KIF27: variants seen among roughly 807,000 people sequenced by gnomAD.
KIF27 encodes the protein kinesin-like protein KIF27.
Under a neutral mutation model 141.8 loss-of-function variants are expected in KIF27, and 84 were observed. The ratio of observed to expected loss-of-function variants is 0.59; its 90% CI spans 0.50 to 0.71. The LOEUF is 0.71. KIF27 is among the 30% of genes least tolerant of loss of function. The pLI is 0.00. For missense variants in KIF27, 1,306 were observed against 1,628.4 expected (o/e 0.80, Z 3.41); for synonymous variants, 471 against 569.5 (o/e 0.83, Z 2.46).
chr9:83,899,746 A>G lies in KIF27; in HGVS notation c.1517T>C (p.Leu506Pro), dbSNP rs1953663652. The stretch of plus-strand genomic sequence containing the variant: ...TACCATCATCTGCACTTGATTCTTC[A>G]GTTCCTTCACCTCCAGTTCCTTCTG... ...FNQKELEVKELKNQVQMMVQE... is the reference protein window; with the variant it reads ...FNQKELEVKEPKNQVQMMVQE... The change falls in exon 5 of 18, where the codon CTG becomes CCG. Residue 506 changes from leucine (L) to proline (P), a missense_variant. By Grantham distance (98) the Leu-to-Pro change is moderately conservative. Around this residue, in one of 4 missense-constraint regions of KIF27, gnomAD observed 29 missense variants for 60.3 expected, o/e 0.48. Coordinates refer to ENST00000297814, the MANE Select transcript of KIF27 (RefSeq NM_017576.4). 1 of 1,613,452 alleles carries G rather than the reference A, an allele frequency of 6.2e-7. No individual in the cohort carries two copies. Among genetic ancestry groups the G allele is most frequent in the Admixed American group, 1.7e-5 (1 of 60,002 alleles).
At chr9:83,914,910 TA>T (rs1955540270) in intron 2 of KIF27, among the ~76,000 whole-genome samples, 2 of 152,212 alleles carry the variant, frequency 1.3e-5, no homozygotes, top group Non-Finnish European at 2.9e-5. Context: ...CTTTACATAA[TA>T]AATTTTTCCT....
At chr9:83,858,249 C>T (rs1949485914) in intron 14 of KIF27, 1 of 152,118 alleles carries the variant, frequency 6.6e-6, no homozygotes, top group South Asian at 2.1e-4. Flanking sequence ...TAAGTCAATC[C>T]TTTCATCAAT....
intron 9 of KIF27, among the ~76,000 whole-genome samples, chr9:83,886,144 T>C (rs556839977): frequency 7.1e-4 from 108 of 152,232 alleles, no homozygotes; most frequent in African/African-American, 2.6e-3. Flanking sequence ...TAGGAGTATC[T>C]AGGAGCTGAT....
rs756109396 is a variant in KIF27 at position 83,837,154 on chromosome 9, A to G, written c.4053T>C (p.His1351=). Residue 1351 remains histidine, a synonymous_variant, in exon 18 of 18, where the codon CAT becomes CAC. Coordinates refer to ENST00000297814, the MANE Select transcript of KIF27 (RefSeq NM_017576.4). ...IQVVGNVGRL[H]GVTPVKLCRK... ...GACACAGTTTTACAGGTGTGACACC[A>G]TGAAGTCGTCCCACATTTCCCACAA... The G allele has an allele frequency of 3.7e-6, 6 of 1,614,028 alleles. No individual in the cohort carries two copies. In the Admixed American group the frequency reaches 1.0e-4, roughly 27 times the overall value.
Position 83,899,964 on chromosome 9 carries a change from A to G in KIF27, c.1459-160T>C, listed in dbSNP as rs1953693742. On this transcript the variant is annotated intron_variant, in intron 4 of 17. Coordinates refer to ENST00000297814, the MANE Select transcript of KIF27 (RefSeq NM_017576.4). ...TGATTTCTTTCTAAGAAAGGCAGAA[A>G]GAGTTGAGAGAACCTACCATTGCTA... 2.0e-5 allele frequency among the ~76,000 whole-genome samples: 3 copies of G among 152,250 alleles called. No individual in the cohort carries two copies. The South Asian group carries it at 6.2e-4, about 32-fold the overall frequency.
At chr9:83,878,021 G>A (rs1439483844) in intron 11 of KIF27, among the ~76,000 whole-genome samples, 16 of 151,674 alleles carry the variant, frequency 1.1e-4, no homozygotes, top group Non-Finnish European at 1.6e-4. Flanking sequence ...AAAATTAGCC[G>A]GGCGTGGTGG....
At chr9:83,893,048 A>G (rs562854263) in intron 5 of KIF27, among the ~76,000 whole-genome samples, 33 of 152,206 alleles carry the variant, frequency 2.2e-4, no homozygotes, top group Non-Finnish European at 4.6e-4. Context: ...CAGCCTGGAC[A>G]ACATGGTGAA....
At chr9:83,867,180 G>C (rs35424731) in intron 13 of KIF27, among the ~76,000 whole-genome samples, 181 of 152,210 alleles carry the variant, frequency 1.2e-3, no homozygotes, top group Middle Eastern at 3.4e-3. Flanking sequence ...GCATGTATCA[G>C]TACTTCATTC....
chr9:83,843,405 T>C (rs942209943), intron 16 of KIF27, among the ~76,000 whole-genome samples: 5 of 151,274 alleles, frequency 3.3e-5, no homozygotes, highest in African/African-American at 4.9e-5. Flanking sequence ...AAATCCAGTT[T>C]ACTAACCTTC....
chr9:83,873,179 G>A (rs766639445), intron 11 of KIF27, among the ~76,000 whole-genome samples: 14 of 152,188 alleles, frequency 9.2e-5, no homozygotes, highest in African/African-American at 2.7e-4. Context: ...ATCAAACTGC[G>A]AGTTATACCA....
chr9:83,861,689 T>C (rs1368508163), intron 13 of KIF27, among the ~76,000 whole-genome samples: 2 of 151,808 alleles, frequency 1.3e-5, no homozygotes, highest in Non-Finnish European at 2.9e-5. Flanking sequence ...TTTGGGTATA[T>C]ACCCAGTAAT....
chr9:83,902,864 C>T (rs567406899), intron 4 of KIF27, among the ~76,000 whole-genome samples, 196 bp downstream of exon 4: 214 of 151,914 alleles, frequency 1.4e-3, no homozygotes, highest in Non-Finnish European at 2.5e-3. Flanking sequence ...AGTGGGATTC[C>T]ATATATAAAT....
At chr9:83,880,051 C>G in intron 11 of KIF27, 1 of 540,172 alleles carries the variant, frequency 1.9e-6, no homozygotes, top group African/African-American at 1.9e-5. Flanking sequence ...AAGTTAGGAT[C>G]CTACTAAGAG....
rs1414364725 is a variant in KIF27, at chr9:83,880,452, G to C, written c.2488C>G (p.Leu830Val). 2 of 1,612,838 alleles carry C rather than the reference G, an allele frequency of 1.2e-6. No homozygotes were observed. The highest frequency in any genetic ancestry group is 1.7e-6 in the Non-Finnish European group (2 of 1,179,782). ...KQQDSKKLASLSIQNEKRANE... is the reference protein window; with the variant it reads ...KQQDSKKLASVSIQNEKRANE... ...GCACGTTTCTCATTTTGGATTGACA[G>C]TGATGCCAGTTTCTTACTATCTTGT... The change falls in exon 11 of 18, where the codon CTG becomes GTG. Residue 830 changes from leucine to valine, a missense_variant. Around this residue, in one of 4 missense-constraint regions of KIF27, gnomAD observed 596 missense variants for 751.6 expected, o/e 0.79. Transcript: ENST00000297814.
At chr9:83,845,271 GTCA>G (rs774867412) in intron 16 of KIF27, among the ~76,000 whole-genome samples, 6 of 152,284 alleles carry the variant, frequency 3.9e-5, no homozygotes, top group Non-Finnish European at 8.8e-5. Flanking sequence ...TTGACTATGG[GTCA>G]TCAAGTCACC....
rs536084637 is a variant in KIF27, at chr9:83,848,307, AT to A, written c.3556+1791del. Among the ~76,000 whole-genome samples, 109 of 113,198 alleles carry A rather than the reference AT, an allele frequency of 9.6e-4. 15 individuals carry two copies. Among genetic ancestry groups the A allele is most frequent in the African/African-American group, 3.9e-3 (102 of 26,242 alleles). The allele number at this position is 113,198 out of a possible 152,430, so 74.3% of individuals were successfully genotyped here. A position where few individuals can be genotyped will look rare whatever the true frequency, so the allele number is the denominator to read the frequency against. The stretch of plus-strand genomic sequence containing the variant: ...ATATGATATATCAGATATGATATAT[AT>A]GATATATCATATATCTATATATCTA... On this transcript the variant is annotated intron_variant, in intron 16 of 17. Coordinates refer to ENST00000297814, the MANE Select transcript of KIF27 (RefSeq NM_017576.4).
chr9:83,880,539 A>C (rs1951590714), intron 10 of KIF27, 45 bp from the exon 11 acceptor site: 1 of 1,317,802 alleles, frequency 7.6e-7, no homozygotes, highest in African/African-American at 1.5e-5. Flanking sequence ...TGAATCTCTC[A>C]CAATCCTCAA....
chr9:83,869,399 C>T (rs186922163), intron 12 of KIF27, among the ~76,000 whole-genome samples: 10 of 152,036 alleles, frequency 6.6e-5, no homozygotes, highest in African/African-American at 2.4e-4. Context: ...AGTACATATA[C>T]AATTTGGTTT....
chr9:83,875,437 A>T (rs762006770), intron 11 of KIF27, among the ~76,000 whole-genome samples: 1 of 152,204 alleles, frequency 6.6e-6, no homozygotes, highest in Non-Finnish European at 1.5e-5. Context: ...TAATTCATCT[A>T]TAAGACAACC....
Sources: gnomAD v4.1 joint callset for allele counts (sites outside exome capture counted in the v4.1 genomes callset) on GRCh38, gnomAD v4.1.1 for gene constraint, gnomAD v4.1.1 regional missense constraint, MANE v1.5 for transcripts, NCBI Gene and HGNC (gene_info 2026-07-23, HGNC 2026-07-21) for gene names.